Variants in SYNPR observed in about 807,000 individuals in gnomAD.
SYNPR encodes synaptoporin.
A neutral mutation model predicts 32.9 loss-of-function variants in SYNPR; 23 were observed. That is an observed-to-expected ratio of 0.70 (90% CI 0.50 to 0.99). The LOEUF (loss-of-function observed/expected upper bound fraction) is 0.99. Among genes scored for constraint, SYNPR ranks in the 50% least tolerant of loss-of-function variants. The pLI is 0.00. For missense variants in SYNPR, 318 were observed against 349.3 expected, an observed-to-expected ratio of 0.91 and a Z score of 0.71; for synonymous variants, 146 against 135.9, an observed-to-expected ratio of 1.07 and a Z score of -0.52.
At chr3:63,350,049 T>G (rs2087485071) in intron 2 of SYNPR, among the ~76,000 whole-genome samples, 1 of 152,202 alleles carries the variant, frequency 6.6e-6, no homozygotes, top group Non-Finnish European at 1.5e-5. Context: ...TAAAGCTAAC[T>G]GATAAGAAGA....
At chr3:63,513,690 GAT>G (rs558789116) in intron 3 of SYNPR, among the ~76,000 whole-genome samples, 80 of 152,188 alleles carry the variant, frequency 5.3e-4, no homozygotes, top group African/African-American at 1.8e-3. Context: ...CCTCCCAAAA[GAT>G]ATATTCCCCT....
At chr3:63,228,940 C>G (rs1487378939) in intron 1 of SYNPR, among the ~76,000 whole-genome samples, 1 of 148,010 alleles carries the variant, frequency 6.8e-6, no homozygotes, top group African/African-American at 2.6e-5. Flanking sequence ...CCAAAACAAA[C>G]AAACAAACAA....
intron 2 of SYNPR, among the ~76,000 whole-genome samples, chr3:63,408,069 G>A (rs1242016884): frequency 1.3e-5 from 2 of 150,648 alleles, no homozygotes; most frequent in Non-Finnish European, 2.9e-5. Flanking sequence ...AAATCTGCAG[G>A]CTTTGCCTTG....
At chr3:63,347,961 A>C (rs534149334) in intron 2 of SYNPR, among the ~76,000 whole-genome samples, 1 of 151,716 alleles carries the variant, frequency 6.6e-6, no homozygotes, top group South Asian at 2.1e-4. Flanking sequence ...CTGTTGCTGG[A>C]CACTTAAGTT....
intron 3 of SYNPR, among the ~76,000 whole-genome samples, chr3:63,545,987 G>T (rs1702395144): frequency 6.6e-6 from 1 of 151,980 alleles, no homozygotes. Flanking sequence ...TTGTCAACCG[G>T]ACATTCAAAC....
intron 3 of SYNPR, among the ~76,000 whole-genome samples, chr3:63,542,172 A>T (rs1702316532): frequency 6.6e-6 from 1 of 152,100 alleles, no homozygotes; most frequent in Non-Finnish European, 1.5e-5. Flanking sequence ...CTCTCTCTTT[A>T]TCCCCATGTT....
the SYNPR span, among the ~76,000 whole-genome samples, chr3:63,204,494 T>C: frequency 7.9e-5 from 12 of 152,190 alleles, no homozygotes; most frequent in Admixed American, 6.5e-5. Flanking sequence ...AATGACACTA[T>C]TTCCATATAA....
chr3:63,392,962 T>C lies in SYNPR; in HGVS notation c.85-87870T>C, dbSNP rs141862737. ...CTAGTAGTGTATTATGATTCTTCTATATGTATTTTCCCATTTCTGTACATA... is the reference window on the plus strand; with the variant it reads ...CTAGTAGTGTATTATGATTCTTCTACATGTATTTTCCCATTTCTGTACATA... On this transcript the variant is annotated intron_variant, in intron 2 of 5. Coordinates refer to ENST00000478300, the MANE Select transcript of SYNPR (RefSeq NM_001130003.2). Among the ~76,000 whole-genome samples the C allele has an allele frequency of 2.7e-4, 41 of 152,286 alleles. 1 individual carries two copies. The East Asian group carries it at 5.6e-3, about 21-fold the overall frequency.
In SYNPR at chr3:63,615,395, T is replaced by C. The variant is rs1319290382; in HGVS notation, c.772T>C (p.Tyr258His). 1.2e-6 allele frequency: 2 copies of C among 1,613,964 alleles called. No individual in the cohort carries two copies. Among genetic ancestry groups the C allele is most frequent in the South Asian group, 1.1e-5 (1 of 91,068 alleles). ...AGACAGCTATGGATCAAGCAGTGGG[T>C]ACAGTCAGCAGGCGAGTTTGGGGCC... ...NQDSYGSSSG[Y>H]SQQASLGPTS... The change falls in exon 6 of 6, where the codon TAC becomes CAC. Residue 258 changes from tyrosine (Y) to histidine (H), a missense_variant. By Grantham distance (83) the Tyr-to-His change is moderately conservative. Coordinates refer to ENST00000478300, the MANE Select transcript of SYNPR (RefSeq NM_001130003.2).
At chr3:63,537,795 G>A (rs1028463884) in intron 3 of SYNPR, among the ~76,000 whole-genome samples, 1 of 152,060 alleles carries the variant, frequency 6.6e-6, no homozygotes, top group African/African-American at 2.4e-5. Context: ...CTAAATGTGA[G>A]CTTTTAAGTC....
In SYNPR at chr3:63,477,801, A is replaced by C. The variant is rs143732261; in HGVS notation, c.85-3031A>C. On this transcript the variant is annotated intron_variant, in intron 2 of 5. Transcript: ENST00000478300. ...CTTCACTTTTTCTCTGGGTGCCTGC[A>C]CCTGCACAAGAGCCATGTTGGGCCC... Among the ~76,000 whole-genome samples, 166 of 152,334 alleles carry C rather than the reference A, an allele frequency of 1.1e-3. 1 individual carries two copies. The highest frequency in any genetic ancestry group is 3.5e-3 in the African/African-American group (144 of 41,562).
At chr3:63,498,962 A>G (rs1191020665) in intron 3 of SYNPR, among the ~76,000 whole-genome samples, 1 of 151,050 alleles carries the variant, frequency 6.6e-6, no homozygotes, top group African/African-American at 2.5e-5. Context: ...AAAAAAAAAA[A>G]AGAATAAAAA....
At chr3:63,226,277 T>C (rs1454096715), upstream of SYNPR, among the ~76,000 whole-genome samples, 1 of 152,162 alleles carries the variant, frequency 6.6e-6, no homozygotes, top group Non-Finnish European at 1.5e-5. Context: ...ACTACCAATA[T>C]GGAAAAACAG....
At chr3:63,610,566 C>T (rs1163054565) in intron 5 of SYNPR, 1 of 686,396 alleles carries the variant, frequency 1.5e-6, no homozygotes, top group South Asian at 1.6e-5. Context: ...GAGATAGTAA[C>T]CATGAAAATA....
intron 4 of SYNPR, among the ~76,000 whole-genome samples, chr3:63,560,317 G>T (rs545744417): frequency 1.6e-4 from 25 of 152,156 alleles, no homozygotes; most frequent in Non-Finnish European, 3.2e-4. Context: ...CATTATAACT[G>T]CAAAGAGCAA....
chr3:63,270,287 C>T (rs984702592), intron 3 of SYNPR, among the ~76,000 whole-genome samples: 1 of 152,176 alleles, frequency 6.6e-6, no homozygotes, highest in Non-Finnish European at 1.5e-5. Flanking sequence ...GGTGGCTGCT[C>T]TTGCTCCCCA....
At chr3:63,408,843 G>T (rs752646643) in intron 2 of SYNPR, among the ~76,000 whole-genome samples, 1 of 152,046 alleles carries the variant, frequency 6.6e-6, no homozygotes, top group African/African-American at 2.4e-5. Context: ...TGCTCTACCG[G>T]CTATCTGGGA....
At chr3:63,398,723 AAG>A (rs1410430254) in intron 2 of SYNPR, among the ~76,000 whole-genome samples, 1 of 120,954 alleles carries the variant, frequency 8.3e-6, no homozygotes, top group Non-Finnish European at 1.9e-5. Flanking sequence ...CGTCTCAAAA[AAG>A]AAAAAAAAAA....
At chr3:63,561,864 C>T (rs1702695925) in intron 4 of SYNPR, among the ~76,000 whole-genome samples, 1 of 152,264 alleles carries the variant, frequency 6.6e-6, no homozygotes, top group Middle Eastern at 3.4e-3. Flanking sequence ...TTATCAATGG[C>T]TACTGAAAAA....
Sources: gnomAD v4.1 joint callset for allele counts (sites outside exome capture counted in the v4.1 genomes callset) on GRCh38, gnomAD v4.1.1 for gene constraint, MANE v1.5 for transcripts, NCBI Gene and HGNC (gene_info 2026-07-23, HGNC 2026-07-21) for gene names.